Variants in SCARA3 observed in about 807,000 individuals in gnomAD.
The protein encoded by SCARA3 is scavenger receptor class A member 3.
Under a neutral mutation model 47.0 loss-of-function variants are expected in SCARA3, and 39 were observed. That is an observed-to-expected ratio of 0.83 (90% CI 0.64 to 1.08). The LOEUF is 1.08. SCARA3 is among the 50% of genes least tolerant of loss of function. The pLI is 0.00. For missense variants in SCARA3, 724 were observed against 792.3 expected (o/e 0.91, Z 1.04); for synonymous variants, 356 against 334.1 (o/e 1.07, Z -0.71).
chr8:27,682,633 AT>A, the SCARA3 span, among the ~76,000 whole-genome samples: 26 of 152,318 alleles, frequency 1.7e-4, no homozygotes, highest in East Asian at 4.8e-3. Context: ...GATGGTCAGC[AT>A]TTACAACTAT....
the SCARA3 span, among the ~76,000 whole-genome samples, chr8:27,705,365 C>T: frequency 6.6e-6 from 1 of 152,236 alleles, no homozygotes; most frequent in Non-Finnish European, 1.5e-5. Flanking sequence ...GAGAAACTAC[C>T]CCTGAACGTC....
rs1032868372 is a variant in SCARA3, at chr8:27,671,238, A to G, written c.1708A>G (p.Thr570Ala). 2 of 1,501,706 alleles carry G rather than the reference A, an allele frequency of 1.3e-6. No homozygotes were observed. The highest frequency in any genetic ancestry group is 2.5e-5 in the East Asian group (1 of 40,492). The allele number at this position is 1,501,706 out of a possible 1,614,324, so 93.0% of individuals were successfully genotyped here. ...PQGKPGIAGKTGSPGQRGAMG... is the reference protein window; with the variant it reads ...PQGKPGIAGKAGSPGQRGAMG... ...GGGAAAACCGGGAATTGCAGGGAAG[A>G]CAGGGTCACCAGGCCAGCGGGGGGC... The change falls in exon 6 of 6, where the codon ACA (threonine) becomes GCA (alanine). Residue 570 changes from threonine (T) to alanine (A), a missense_variant. Physicochemically the swap from Thr to Ala is moderately conservative, Grantham distance 58 (BLOSUM62 0). Coordinates refer to ENST00000301904, the MANE Select transcript of SCARA3 (RefSeq NM_016240.3).
chr8:27,676,784 G>T (rs73231061), downstream of SCARA3: 36,366 of 475,010 alleles, frequency 0.077, 1,714 homozygotes, highest in East Asian at 0.21. Context: ...TGATTTAAAT[G>T]TTTATTTTAC....
At chr8:27,651,922 C>G (rs1300099776) in intron 3 of SCARA3, among the ~76,000 whole-genome samples, 1 of 152,184 alleles carries the variant, frequency 6.6e-6, no homozygotes, top group East Asian at 1.9e-4. Flanking sequence ...TTACAGCCAT[C>G]TTGGAGCTTT....
At position 27,638,314 on chromosome 8, in the gene SCARA3, T is replaced by TTGTGTGTGTG. The variant is rs55695492; in HGVS notation, c.7+4131_7+4140dup. Among the ~76,000 whole-genome samples the TTGTGTGTGTG allele has an allele frequency of 7.8e-3, 1,147 of 146,712 alleles. 9 individuals carry two copies. The highest frequency in any genetic ancestry group is 0.01 in the African/African-American group (409 of 39,260). On this transcript the variant is annotated intron_variant, in intron 1 of 5. Transcript: ENST00000301904. ...TGTTTGATCATGTATAATTTAGTGA[T>TTGTGTGTGTG]TGTGTGTGTGTGTGTGTGTGTGTGT...
At chr8:27,664,461 C>T (rs1259695818) in intron 5 of SCARA3, among the ~76,000 whole-genome samples, 1 of 152,176 alleles carries the variant, frequency 6.6e-6, no homozygotes, top group African/African-American at 2.4e-5. Context: ...CACAGGGTCA[C>T]TCTGATTTAA....
At chr8:27,643,027 G>A (rs1162375429) in intron 1 of SCARA3, among the ~76,000 whole-genome samples, 2 of 152,156 alleles carry the variant, frequency 1.3e-5, no homozygotes, top group African/African-American at 4.8e-5. Context: ...CAGCCTGCGA[G>A]CAGGTATTTA....
intron 5 of SCARA3, among the ~76,000 whole-genome samples, chr8:27,670,642 C>A (rs34719361): frequency 8.7e-4 from 132 of 152,122 alleles, no homozygotes; most frequent in Non-Finnish European, 1.6e-3. Context: ...CCTGGACAAC[C>A]TTGGCCCCTT....
chr8:27,656,710 C>A (rs1305259177), intron 3 of SCARA3, 72 bp from the exon 4 acceptor site: 14 of 920,742 alleles, frequency 1.5e-5, no homozygotes, highest in East Asian at 2.4e-5. Flanking sequence ...GATAAAGATG[C>A]CTTCTCAAGG....
chr8:27,651,431 C>G, intron 2 of SCARA3, 77 bp from the exon 3 acceptor site: 6 of 1,540,292 alleles, frequency 3.9e-6, no homozygotes, highest in Non-Finnish European at 5.3e-6. Context: ...CAGACCAGAG[C>G]AGGAACATGG....
At chr8:27,683,973 A>G in the SCARA3 span, among the ~76,000 whole-genome samples, 1 of 152,242 alleles carries the variant, frequency 6.6e-6, no homozygotes, top group Admixed American at 6.5e-5. Context: ...GATTCCATTT[A>G]TGTTAAATTT....
chr8:27,657,639 C>T (rs542821410), intron 4 of SCARA3, among the ~76,000 whole-genome samples: 27 of 145,886 alleles, frequency 1.9e-4, no homozygotes, highest in African/African-American at 6.2e-4. Flanking sequence ...CTCCTGGGTT[C>T]GTGCCATTCT....
At chr8:27,634,415 T>G (rs1354620051) in intron 1 of SCARA3, among the ~76,000 whole-genome samples, 2 of 152,110 alleles carry the variant, frequency 1.3e-5, no homozygotes, top group African/African-American at 4.8e-5. Context: ...ATGGGGACAC[T>G]CACACACCCC....
the SCARA3 span, among the ~76,000 whole-genome samples, chr8:27,730,792 C>T: frequency 2.0e-5 from 3 of 151,796 alleles, no homozygotes; most frequent in Non-Finnish European, 4.4e-5. Flanking sequence ...CCCCTGGCTG[C>T]CTTTGATTTT....
At chr8:27,662,865 C>T (rs1169776655) in intron 5 of SCARA3, among the ~76,000 whole-genome samples, 1 of 152,216 alleles carries the variant, frequency 6.6e-6, no homozygotes, top group Non-Finnish European at 1.5e-5. Flanking sequence ...ACAGTGGTGG[C>T]TGGAGAAAGA....
At chr8:27,660,830 A>ATAGC (rs141475748) in intron 5 of SCARA3, among the ~76,000 whole-genome samples, 4,740 of 131,152 alleles carry the variant, frequency 0.036, 268 homozygotes, top group African/African-American at 0.12. Context: ...TAGATAGAAG[A>ATAGC]TAGCTAGCTA....
Position 27,671,609 on chromosome 8 carries a change from C to A in SCARA3, c.*258C>A, listed in dbSNP as rs1563415019. 1 of 1,214,682 alleles carries A rather than the reference C, an allele frequency of 8.2e-7. No homozygotes were observed. The highest frequency in any genetic ancestry group is 3.3e-5 in the East Asian group (1 of 29,872). 75.2% of individuals were successfully genotyped at this position (1,214,682 alleles called of 1,614,324 possible). On this transcript the variant is annotated 3_prime_UTR_variant, in exon 6 of 6. Coordinates refer to ENST00000301904, the MANE Select transcript of SCARA3 (RefSeq NM_016240.3). Reference sequence around the variant, plus strand: ...ACATACACGCACATGCACACATACACATGCATGCACACATACACAGGCATA... The same window carrying A: ...ACATACACGCACATGCACACATACAAATGCATGCACACATACACAGGCATA...
chr8:27,708,639 A>G, the SCARA3 span, among the ~76,000 whole-genome samples: 5 of 152,188 alleles, frequency 3.3e-5, no homozygotes, highest in African/African-American at 1.2e-4. Context: ...GGGTTAGCGG[A>G]CAGTTTCAGA....
chr8:27,715,634 G>C, the SCARA3 span, among the ~76,000 whole-genome samples: 2 of 151,582 alleles, frequency 1.3e-5, no homozygotes, highest in African/African-American at 4.8e-5. This position sits in a 1 kb window ranked among gnomAD's most constrained non-coding sequence, Gnocchi z 4.2. Context: ...TAGATAGATA[G>C]ACACACACAG....
Sources: allele counts gnomAD v4.1 joint callset (sites outside exome capture counted in the v4.1 genomes callset), GRCh38; gene constraint gnomAD v4.1.1; non-coding constraint Gnocchi (gnomAD v3.1); transcripts MANE v1.5; gene names NCBI Gene and HGNC (gene_info 2026-07-23, HGNC 2026-07-21).